Variants in ADAMTS6 observed in about 807,000 individuals in gnomAD.
ADAMTS6 encodes the protein A disintegrin and metalloproteinase with thrombospondin motifs 6.
ADAMTS6 carries 23 observed loss-of-function variants against 144.3 expected under a neutral mutation model. That is an observed-to-expected ratio of 0.16 (90% confidence interval 0.11 to 0.23). The LOEUF is 0.23. Among genes scored for constraint, ADAMTS6 ranks in the 10% least tolerant of loss-of-function variants. The pLI is 1.00. For missense variants in ADAMTS6, 999 were observed against 1,379.6 expected (o/e 0.72, Z 4.37); for synonymous variants, 444 against 457.5 (o/e 0.97, Z 0.38).
intron 7 of ADAMTS6, among the ~76,000 whole-genome samples, chr5:65,410,541 C>T (rs758542574): frequency 7.9e-5 from 12 of 151,286 alleles, no homozygotes; most frequent in Non-Finnish European, 1.8e-4. Flanking sequence ...TTAAAATCTA[C>T]TCTCTTTTAT....
chr5:65,381,856 A>G (rs973837803), intron 7 of ADAMTS6, among the ~76,000 whole-genome samples: 2 of 152,196 alleles, frequency 1.3e-5, no homozygotes, highest in African/African-American at 2.4e-5. Flanking sequence ...AGTTTTATAG[A>G]TACAGAGTAA....
At position 65,471,117 on chromosome 5, in the gene ADAMTS6, G is replaced by C; in HGVS notation, c.123C>G (p.His41Gln). ...CCCTTATTGGAATAGTTAGCTGGTAGTGTTCAAGATAAGTCAGGAATTCCT... is the reference window on the plus strand; with the variant it reads ...CCCTTATTGGAATAGTTAGCTGGTACTGTTCAAGATAAGTCAGGAATTCCT... Reference protein sequence around the residue: ...SQEEFLTYLEHYQLTIPIRVD... With the variant: ...SQEEFLTYLEQYQLTIPIRVD... Residue 41 changes from histidine (H) to glutamine (Q), a missense_variant, in exon 3 of 25, where the codon CAC (histidine) becomes CAG (glutamine). His to Gln is a conservative substitution (Grantham distance 24). This residue lies in a region of ADAMTS6 where 252 missense variants were observed against 293.7 expected (regional missense o/e 0.86). Transcript: ENST00000381055. The C allele has an allele frequency of 6.2e-7, 1 of 1,605,286 alleles. No individual in the cohort carries two copies. The highest frequency in any genetic ancestry group is 8.5e-7 in the Non-Finnish European group (1 of 1,177,276).
At chr5:65,324,828 A>T (rs906545132) in intron 9 of ADAMTS6, among the ~76,000 whole-genome samples, 1 of 152,192 alleles carries the variant, frequency 6.6e-6, no homozygotes, top group African/African-American at 2.4e-5. Context: ...TACCAACCGT[A>T]TCATCCAAGA....
At chr5:65,438,301 G>A (rs963919265) in intron 7 of ADAMTS6, among the ~76,000 whole-genome samples, 1 of 152,222 alleles carries the variant, frequency 6.6e-6, no homozygotes, top group East Asian at 1.9e-4. Flanking sequence ...GCCAAGGCAG[G>A]TGGATCACCT....
intron 15 of ADAMTS6, among the ~76,000 whole-genome samples, chr5:65,236,314 T>G (rs1411133521): frequency 1.3e-5 from 2 of 152,200 alleles, no homozygotes; most frequent in Non-Finnish European, 2.9e-5. Flanking sequence ...TTTTTCTTTC[T>G]TTTTTTCTAA....
At chr5:65,323,370 T>C (rs1208986158) in intron 9 of ADAMTS6, among the ~76,000 whole-genome samples, 1 of 150,178 alleles carries the variant, frequency 6.7e-6, no homozygotes, top group South Asian at 2.1e-4. Context: ...TGGCAGTGTT[T>C]GGTTTTTTGT....
Position 65,422,429 on chromosome 5 carries a change from C to T in ADAMTS6, c.1073+29046G>A, listed in dbSNP as rs1252112729. The stretch of plus-strand genomic sequence containing the variant: ...GGCGGATCACGAGGTCAGGACCATC[C>T]TGGCCAACAGGGTGAAACCCTGTTG... On this transcript the variant is annotated intron_variant, in intron 7 of 24. Transcript: ENST00000381055. Among the ~76,000 whole-genome samples, 6 of 152,234 alleles carry T rather than the reference C, an allele frequency of 3.9e-5. No homozygotes were observed. In the South Asian group the frequency reaches 1.0e-3, roughly 26 times the overall value.
chr5:65,453,665 C>T (rs1400198119), intron 4 of ADAMTS6, among the ~76,000 whole-genome samples: 1 of 152,178 alleles, frequency 6.6e-6, no homozygotes, highest in Non-Finnish European at 1.5e-5. Context: ...CCTTTTAGCA[C>T]TATGGCATTT....
chr5:65,283,032 T>C (rs1763107372), intron 11 of ADAMTS6, among the ~76,000 whole-genome samples: 1 of 152,112 alleles, frequency 6.6e-6, no homozygotes, highest in African/African-American at 2.4e-5. Flanking sequence ...TCCTTGATTC[T>C]AAATATGAAA....
At chr5:65,456,069 AAG>A (rs1759170194) in intron 4 of ADAMTS6, among the ~76,000 whole-genome samples, 1 of 151,538 alleles carries the variant, frequency 6.6e-6, no homozygotes, top group Non-Finnish European at 1.5e-5. Flanking sequence ...GAATAAAATC[AAG>A]AGAGAGAACA....
chr5:65,234,037 CTCT>C (rs963520254), intron 15 of ADAMTS6, among the ~76,000 whole-genome samples: 2 of 147,980 alleles, frequency 1.4e-5, no homozygotes, highest in African/African-American at 5.0e-5. Context: ...AGAGGGCAGT[CTCT>C]TCAATAAGTG....
intron 4 of ADAMTS6, among the ~76,000 whole-genome samples, chr5:65,456,714 CATA>C (rs1759238256): frequency 2.6e-5 from 4 of 152,052 alleles, no homozygotes; most frequent in Admixed American, 1.3e-4. Context: ...GATATAGAGA[CATA>C]ATAATATCTA....
At chr5:65,376,078 A>C (rs986944126) in intron 7 of ADAMTS6, among the ~76,000 whole-genome samples, 13 of 145,126 alleles carry the variant, frequency 9.0e-5, no homozygotes, top group African/African-American at 3.3e-4. Flanking sequence ...ACATGGACAC[A>C]GGAAGGGGAA....
chr5:65,172,416 A>G (rs1753690777), intron 23 of ADAMTS6, among the ~76,000 whole-genome samples: 2 of 150,616 alleles, frequency 1.3e-5, no homozygotes, highest in South Asian at 4.2e-4. Context: ...TCCATCTCAA[A>G]AGAAAAAAAA....
rs145963490 is a variant in ADAMTS6 at position 65,226,150 on chromosome 5, G to A, written c.2003C>T (p.Ala668Val). The change falls in exon 16 of 25, where the codon GCG (alanine) becomes GTG (valine). Residue 668 changes from alanine to valine, a missense_variant. Ala to Val is a moderately conservative substitution (Grantham distance 64). Around this residue, in one of 3 missense-constraint regions of ADAMTS6, gnomAD observed 619 missense variants for 837.0 expected, o/e 0.74. Coordinates refer to ENST00000381055, the MANE Select transcript of ADAMTS6 (RefSeq NM_197941.4). ...GYNFYTERAP[A>V]VIDGTQCNAD... Reference sequence around the variant, plus strand: ...ATTGCACTGGGTCCCATCGATCACCGCAGGAGCACGTTCAGTGTAGAAATT... The same window carrying A: ...ATTGCACTGGGTCCCATCGATCACCACAGGAGCACGTTCAGTGTAGAAATT... The A allele has an allele frequency of 2.0e-5, 33 of 1,613,736 alleles. No homozygotes were observed. Among genetic ancestry groups the A allele is most frequent in the Non-Finnish European group, 2.6e-5 (31 of 1,179,898 alleles).
intron 22 of ADAMTS6, among the ~76,000 whole-genome samples, chr5:65,182,912 T>G (rs1330638324): frequency 1.3e-5 from 2 of 152,186 alleles, no homozygotes; most frequent in South Asian, 4.1e-4. Context: ...AAAACTACAT[T>G]GCTGTCACAT....
In ADAMTS6 at chr5:65,268,338, T is replaced by G. The variant is rs181513764; in HGVS notation, c.1620+5002A>C. On this transcript the variant is annotated intron_variant, in intron 12 of 24. Coordinates refer to ENST00000381055, the MANE Select transcript of ADAMTS6 (RefSeq NM_197941.4). ...GGGATTACAAGGATTGGGTTTTGAT[T>G]ATCCTTAATATCCTGTTCAGTAACA... is the stretch of plus-strand genomic sequence containing the variant. Among the ~76,000 whole-genome samples, 18 of 152,364 alleles carry G rather than the reference T, an allele frequency of 1.2e-4. 2 individuals carry two copies. The East Asian group carries it at 3.5e-3, about 29-fold the overall frequency.
intron 24 of ADAMTS6, among the ~76,000 whole-genome samples, chr5:65,153,417 T>C (rs549005260): frequency 1.3e-5 from 2 of 152,334 alleles, no homozygotes; most frequent in East Asian, 3.9e-4. Context: ...TGTGCTTAAG[T>C]TTTCTCATCT....
chr5:65,354,763 T>C (rs1749170615), intron 7 of ADAMTS6, among the ~76,000 whole-genome samples: 1 of 101,672 alleles, frequency 9.8e-6, no homozygotes, highest in Non-Finnish European at 2.0e-5. Context: ...TCTCACTTAA[T>C]TGAATTAAAA....
Sources: gnomAD v4.1 joint callset for allele counts (sites outside exome capture counted in the v4.1 genomes callset) on GRCh38, gnomAD v4.1.1 for gene constraint, gnomAD v4.1.1 regional missense constraint, MANE v1.5 for transcripts, NCBI Gene and HGNC (gene_info 2026-07-23, HGNC 2026-07-21) for gene names.